Variants in HCRTR2 observed in about 807,000 individuals in gnomAD.
HCRTR2 encodes hypocretin receptor 2, also known as orexin receptor type 2.
A neutral mutation model predicts 49.0 loss-of-function variants in HCRTR2; 22 were observed. That is an observed-to-expected ratio of 0.45 (90% CI 0.32 to 0.64). The LOEUF is 0.64. HCRTR2 is among the 30% of genes least tolerant of loss of function. The pLI is 0.04. For synonymous variants in HCRTR2, 236 were observed against 205.3 expected (o/e 1.15, Z -1.28); for missense variants, 491 against 559.4 (o/e 0.88, Z 1.23).
At chr6:55,161,701 A>G (rs1437657271) in intron 1 of HCRTR2, among the ~76,000 whole-genome samples, 3 of 152,212 alleles carry the variant, frequency 2.0e-5, no homozygotes, top group Admixed American at 1.3e-4. Flanking sequence ...AATACTATAG[A>G]CACCTCTATG....
At chr6:55,170,357 A>G (rs1158356575), upstream of HCRTR2, among the ~76,000 whole-genome samples, 1 of 150,122 alleles carries the variant, frequency 6.7e-6, no homozygotes, top group Non-Finnish European at 1.5e-5. Context: ...TATAGGGTAC[A>G]TGTAATATTT....
chr6:55,171,041 T>C (rs535388649), upstream of HCRTR2, among the ~76,000 whole-genome samples: 1 of 152,238 alleles, frequency 6.6e-6, no homozygotes, highest in South Asian at 2.1e-4. Flanking sequence ...GCAATAAACA[T>C]ATGTGTGCAT....
intron 1 of HCRTR2, among the ~76,000 whole-genome samples, chr6:55,203,890 C>A (rs1171870035): frequency 6.6e-6 from 1 of 151,164 alleles, no homozygotes; most frequent in South Asian, 2.1e-4. Flanking sequence ...TTTTTCCTCT[C>A]CAAATGAGAT....
chr6:55,121,686 G>A (rs1165776684), intron 1 of HCRTR2, among the ~76,000 whole-genome samples: 2 of 152,074 alleles, frequency 1.3e-5, no homozygotes, highest in Admixed American at 6.6e-5. Context: ...GTTGAATTTT[G>A]TCAAAGGCCT....
chr6:55,277,327 G>A (rs951893662), intron 4 of HCRTR2, 53 bp from the exon 5 acceptor site: 2 of 1,460,704 alleles, frequency 1.4e-6, no homozygotes, highest in Non-Finnish European at 1.9e-6. Context: ...CTTCCCCAAA[G>A]TGGAACTTTC....
intron 1 of HCRTR2, among the ~76,000 whole-genome samples, chr6:55,185,787 C>A (rs1332651107): frequency 1.3e-5 from 2 of 152,202 alleles, no homozygotes; most frequent in Non-Finnish European, 2.9e-5. Context: ...CAAGAAGGCG[C>A]ATCCTTTGGA....
chr6:55,259,943 T>C (rs1766723430), intron 3 of HCRTR2, among the ~76,000 whole-genome samples: 1 of 152,308 alleles, frequency 6.6e-6, no homozygotes, highest in Admixed American at 6.5e-5. Flanking sequence ...CATGTTTCCC[T>C]AGTTATCTAT....
At chr6:55,154,104 G>A (rs965987922) in intron 1 of HCRTR2, among the ~76,000 whole-genome samples, 1 of 151,768 alleles carries the variant, frequency 6.6e-6, no homozygotes, top group Non-Finnish European at 1.5e-5. Flanking sequence ...GAACATACCA[G>A]TAACAACCAA....
intron 1 of HCRTR2, among the ~76,000 whole-genome samples, chr6:55,223,233 G>T (rs1581839519): frequency 6.6e-6 from 1 of 152,038 alleles, no homozygotes; most frequent in Non-Finnish European, 1.5e-5. Flanking sequence ...TAGTAACTGG[G>T]ATCCTTGCAG....
intron 1 of HCRTR2, among the ~76,000 whole-genome samples, chr6:55,244,745 C>A (rs1320667095): frequency 6.6e-6 from 1 of 151,846 alleles, no homozygotes; most frequent in Admixed American, 6.6e-5. Flanking sequence ...CTGAATAGTC[C>A]ATTTAAAGAC....
chr6:55,201,771 T>C (rs1244511911), intron 1 of HCRTR2, among the ~76,000 whole-genome samples: 1 of 152,280 alleles, frequency 6.6e-6, no homozygotes, highest in South Asian at 2.1e-4. Flanking sequence ...AATTAAAATA[T>C]TTTATACTTC....
chr6:55,157,783 T>C (rs1484147832), intron 1 of HCRTR2, among the ~76,000 whole-genome samples: 1 of 152,242 alleles, frequency 6.6e-6, no homozygotes, highest in Non-Finnish European at 1.5e-5. Context: ...CCTCTATGAA[T>C]CTGCAACAGC....
intron 1 of HCRTR2, among the ~76,000 whole-genome samples, chr6:55,239,588 G>A (rs1238260269): frequency 2.6e-5 from 4 of 152,030 alleles, no homozygotes; most frequent in African/African-American, 7.2e-5. Context: ...TGTACCTAAC[G>A]GTTATCAACA....
At chr6:55,225,359 A>G (rs115418188) in intron 1 of HCRTR2, among the ~76,000 whole-genome samples, 1,692 of 151,662 alleles carry the variant, frequency 0.011, 36 homozygotes, top group African/African-American at 0.039. Flanking sequence ...CTTTTTTTTT[A>G]ATAAAACATA....
At chr6:55,138,394 A>T (rs1431299778) in intron 1 of HCRTR2, among the ~76,000 whole-genome samples, 1 of 152,204 alleles carries the variant, frequency 6.6e-6, no homozygotes, top group African/African-American at 2.4e-5. Flanking sequence ...GGTGAACTTG[A>T]TCAAATTAAT....
At position 55,261,549 on chromosome 6, in the gene HCRTR2, C is replaced by T. The variant is rs116433156; in HGVS notation, c.647-2158C>T. 9.4e-3 allele frequency among the ~76,000 whole-genome samples: 1,434 copies of T among 152,096 alleles called. 26 individuals are homozygous for T. Among genetic ancestry groups the T allele is most frequent in the African/African-American group, 0.033 (1,350 of 41,490 alleles). ...TCTCCCAAAGTACTGGGATTACAGACGTGAGCCTGTAATTGGTGTCTGGCC... is the reference window on the plus strand; with the variant it reads ...TCTCCCAAAGTACTGGGATTACAGATGTGAGCCTGTAATTGGTGTCTGGCC... On this transcript the variant is annotated intron_variant, in intron 3 of 6. Coordinates refer to ENST00000370862, the MANE Select transcript of HCRTR2 (RefSeq NM_001384272.1).
At chr6:55,205,610 T>C (rs1397911495) in intron 1 of HCRTR2, among the ~76,000 whole-genome samples, 1 of 152,066 alleles carries the variant, frequency 6.6e-6, no homozygotes. Context: ...AAGACATTTA[T>C]ACTGACAATT....
chr6:55,149,972 T>C (rs73743260), intron 1 of HCRTR2, among the ~76,000 whole-genome samples: 1,988 of 152,092 alleles, frequency 0.013, 47 homozygotes, highest in African/African-American at 0.045. Context: ...AAAATAGATA[T>C]TGCAATCAAA....
intron 1 of HCRTR2, among the ~76,000 whole-genome samples, chr6:55,120,989 T>C (rs1199308990): frequency 6.6e-6 from 1 of 152,122 alleles, no homozygotes; most frequent in Non-Finnish European, 1.5e-5. Context: ...AACTTTAAAG[T>C]AGTTTTTTCC....
Sources: gnomAD v4.1 joint callset for allele counts (sites outside exome capture counted in the v4.1 genomes callset) on GRCh38, gnomAD v4.1.1 for gene constraint, MANE v1.5 for transcripts, NCBI Gene and HGNC (gene_info 2026-07-23, HGNC 2026-07-21) for gene names.